The following FOXN3 variants were observed in gnomAD, a reference collection of about 807,000 sequenced individuals.
FOXN3 encodes the protein forkhead box protein N3.
Under a neutral mutation model 38.4 loss-of-function variants are expected in FOXN3, and 7 were observed. The ratio of observed to expected loss-of-function variants is 0.18; its 90% CI spans 0.10 to 0.34. The LOEUF is 0.34. FOXN3 is among the 10% of genes least tolerant of loss of function. The pLI is 1.00. For missense variants in FOXN3, 456 were observed against 613.4 expected, an observed-to-expected ratio of 0.74 and a Z score of 2.71; for synonymous variants, 230 against 242.2, an observed-to-expected ratio of 0.95 and a Z score of 0.47.
chr14:89,240,859 C>T (rs949491426), intron 4 of FOXN3, among the ~76,000 whole-genome samples: 45 of 152,200 alleles, frequency 3.0e-4, no homozygotes, highest in African/African-American at 1.1e-3. Context: ...TGGGGTCCCA[C>T]GAATGGCCCA....
At chr14:89,345,011 G>A (rs1455960365) in intron 3 of FOXN3, among the ~76,000 whole-genome samples, 2 of 152,084 alleles carry the variant, frequency 1.3e-5, no homozygotes, top group East Asian at 1.9e-4. Flanking sequence ...AAGGCCCCAC[G>A]CCAGAGTCTC....
intron 1 of FOXN3, among the ~76,000 whole-genome samples, chr14:89,444,060 C>T (rs202145030): frequency 2.1e-5 from 3 of 142,882 alleles, no homozygotes; most frequent in Admixed American, 1.4e-4. Flanking sequence ...TGAAGAAATC[C>T]GAAATCTAAA....
At chr14:89,340,382 AT>A (rs1044985517) in intron 3 of FOXN3, among the ~76,000 whole-genome samples, 10 of 152,042 alleles carry the variant, frequency 6.6e-5, no homozygotes, top group South Asian at 2.1e-4. Flanking sequence ...GAAGATAAGG[AT>A]TTTTTTTAAT....
At chr14:89,225,271 C>T (rs1884599191) in intron 4 of FOXN3, among the ~76,000 whole-genome samples, 1 of 152,050 alleles carries the variant, frequency 6.6e-6, no homozygotes, top group African/African-American at 2.4e-5. Flanking sequence ...CGTCACTGCA[C>T]ACCAGCCTGG....
chr14:89,388,546 A>G (rs890507389), intron 2 of FOXN3, among the ~76,000 whole-genome samples: 2 of 152,152 alleles, frequency 1.3e-5, no homozygotes, highest in East Asian at 3.9e-4. Flanking sequence ...CCCTGCACAC[A>G]GCGCTGTCCC....
chr14:89,574,490 T>C (rs1451671417), intron 1 of FOXN3, among the ~76,000 whole-genome samples: 1 of 152,128 alleles, frequency 6.6e-6, no homozygotes, highest in African/African-American at 2.4e-5. Flanking sequence ...AATCGCCTTC[T>C]ACCCAGGAAA....
intron 1 of FOXN3, among the ~76,000 whole-genome samples, chr14:89,550,647 G>A: frequency 6.6e-6 from 1 of 152,132 alleles, no homozygotes; most frequent in South Asian, 2.1e-4. Flanking sequence ...TCAGAGATGG[G>A]GAGAAAGCAG....
intron 4 of FOXN3, among the ~76,000 whole-genome samples, chr14:89,277,583 C>T (rs8006788): frequency 0.031 from 4,653 of 152,222 alleles, 234 homozygotes; most frequent in African/African-American, 0.1. Flanking sequence ...CCCCTCTTGC[C>T]AGTGATTCTG....
chr14:89,487,338 C>T (rs974393025), intron 1 of FOXN3, among the ~76,000 whole-genome samples: 1 of 152,172 alleles, frequency 6.6e-6, no homozygotes, highest in African/African-American at 2.4e-5. Context: ...CATTAGCCTA[C>T]GCGCTGTAGT....
At chr14:89,263,494 A>G (rs1427622082) in intron 4 of FOXN3, 5 of 152,226 alleles carry the variant, frequency 3.3e-5, no homozygotes, top group Non-Finnish European at 7.3e-5. Context: ...TTTATAAAAT[A>G]TGCTTGAATT....
intron 1 of FOXN3, among the ~76,000 whole-genome samples, chr14:89,426,574 G>T (rs1038289750): frequency 6.6e-6 from 1 of 151,976 alleles, no homozygotes. Context: ...GGGTGAATTC[G>T]CAAATACAAA....
intron 2 of FOXN3, among the ~76,000 whole-genome samples, chr14:89,366,552 G>A (rs1162812388): frequency 6.6e-6 from 1 of 152,024 alleles, no homozygotes; most frequent in Non-Finnish European, 1.5e-5. Flanking sequence ...TAGGGATGAG[G>A]GGAAATAAAA....
intron 4 of FOXN3, chr14:89,263,620 T>C (rs1435306964): frequency 3.3e-5 from 5 of 152,224 alleles, no homozygotes; most frequent in Non-Finnish European, 5.9e-5. Flanking sequence ...GCTCACTACA[T>C]GTACATAATA....
At chr14:89,486,377 G>A (rs1057000397) in intron 1 of FOXN3, among the ~76,000 whole-genome samples, 1 of 152,064 alleles carries the variant, frequency 6.6e-6, no homozygotes, top group African/African-American at 2.4e-5. Context: ...GCCTAAATTG[G>A]ATTGACCACA....
At chr14:89,238,942 T>C (rs1359608287) in intron 4 of FOXN3, among the ~76,000 whole-genome samples, 2 of 152,138 alleles carry the variant, frequency 1.3e-5, no homozygotes, top group African/African-American at 4.8e-5. Context: ...ACAGACAACA[T>C]AATTGCAGAC....
intron 4 of FOXN3, among the ~76,000 whole-genome samples, chr14:89,224,850 G>A (rs1884581409): frequency 6.6e-6 from 1 of 152,176 alleles, no homozygotes; most frequent in East Asian, 1.9e-4. Flanking sequence ...AGAACTTAAG[G>A]ACGGGTGTGG....
chr14:89,201,728 C>T (rs1489852557), intron 4 of FOXN3, among the ~76,000 whole-genome samples: 1 of 152,162 alleles, frequency 6.6e-6, no homozygotes, highest in Non-Finnish European at 1.5e-5. Context: ...GCTATAAGGT[C>T]ATCTTCCCCA....
At chr14:89,324,105 A>G (rs888061758) in intron 3 of FOXN3, among the ~76,000 whole-genome samples, 1 of 152,192 alleles carries the variant, frequency 6.6e-6, no homozygotes, top group African/African-American at 2.4e-5. Context: ...TCAAGAATGA[A>G]AAGTATCCAC....
chr14:89,617,794 A>C (rs1451260697), intron 1 of FOXN3, among the ~76,000 whole-genome samples: 4 of 152,204 alleles, frequency 2.6e-5, no homozygotes, highest in Non-Finnish European at 5.9e-5. Context: ...ACCCAAATGA[A>C]AAACCGACCC....
Sources: gnomAD v4.1 joint callset for allele counts (sites outside exome capture counted in the v4.1 genomes callset) on GRCh38, gnomAD v4.1.1 for gene constraint, MANE v1.5 for transcripts, NCBI Gene and HGNC (gene_info 2026-07-23, HGNC 2026-07-21) for gene names.